CD209: variants seen among roughly 807,000 people sequenced by gnomAD.
The protein encoded by CD209 is CD209 antigen.
Under a neutral mutation model 44.7 loss-of-function variants are expected in CD209, and 31 were observed. The ratio of observed to expected loss-of-function variants is 0.69; its 90% confidence interval spans 0.52 to 0.94. The LOEUF (loss-of-function observed/expected upper bound fraction) is 0.94. Among genes scored for constraint, CD209 ranks in the 40% least tolerant of loss-of-function variants. The pLI, the probability that CD209 is intolerant of heterozygous loss-of-function variation, is 0.00. For synonymous variants in CD209, 173 were observed against 181.3 expected (o/e 0.95, Z 0.37); for missense variants, 407 against 452.4 (o/e 0.90, Z 0.91).
At chr19:7,744,009 T>C (rs2033711028) in intron 6 of CD209, 98 bp downstream of exon 6, 8 of 992,566 alleles carry the variant, frequency 8.1e-6, no homozygotes, top group Non-Finnish European at 1.3e-5. Context: ...TTCTTGGGTC[T>C]AGGGTGTCAG....
chr19:7,741,659 C>T lies in CD209; in HGVS notation c.*1380G>A. 1.1e-6 allele frequency: 1 copy of T among 869,704 alleles called. No homozygotes were observed. The allele number at this position is 869,704 out of a possible 1,614,324, so 53.9% of individuals were successfully genotyped here. On this transcript the variant is annotated 3_prime_UTR_variant, in exon 7 of 7. Coordinates refer to ENST00000315599, the MANE Select transcript of CD209 (RefSeq NM_021155.4). Reference sequence around the variant, plus strand: ...AACGGACGATGGTATGTACGCAGGACGACAGCTTCAGTGTGAATTCTGCCC... The same window carrying T: ...AACGGACGATGGTATGTACGCAGGATGACAGCTTCAGTGTGAATTCTGCCC...
At position 7,742,848 on chromosome 19, in the gene CD209, C is replaced by G; in HGVS notation, c.*191G>C. On this transcript the variant is annotated 3_prime_UTR_variant, in exon 7 of 7. Coordinates refer to ENST00000315599, the MANE Select transcript of CD209 (RefSeq NM_021155.4). ...CCCAAAGGCATCCCACACCAGCTCA[C>G]TCATAAAGCTCCAAGGATGGGCCAG... 1 of 604,126 alleles carries G rather than the reference C, an allele frequency of 1.7e-6. No individual in the cohort carries two copies. Among genetic ancestry groups the G allele is most frequent in the Non-Finnish European group, 2.9e-6 (1 of 340,472 alleles). 37.4% of individuals were successfully genotyped at this position (604,126 alleles called of 1,614,324 possible).
chr19:7,742,734 C>A lies in CD209; in HGVS notation c.*305G>T. 1 of 429,046 alleles carries A rather than the reference C, an allele frequency of 2.3e-6. No individual in the cohort carries two copies. 26.6% of individuals were successfully genotyped at this position (429,046 alleles called of 1,614,324 possible). ...TAGGTTTGCATGTATAAGATAACGC[C>A]CCAGGGGACATAGCAGCTACACATG... On this transcript the variant is annotated 3_prime_UTR_variant, in exon 7 of 7. Transcript: ENST00000315599.
In CD209 at chr19:7,742,037, G is replaced by A. The variant is rs564862388; in HGVS notation, c.*1002C>T. 8 of 293,322 alleles carry A rather than the reference G, an allele frequency of 2.7e-5. No individual in the cohort carries two copies. The highest frequency in any genetic ancestry group is 9.2e-4 in the Middle Eastern group (1 of 1,092). 18.2% of individuals were successfully genotyped at this position (293,322 alleles called of 1,614,324 possible). ...GGGCCGGTGCAGCCGCAGTGAGAACGGCCGGAGCCGTCACAGCCGGAGCCA... is the reference window on the plus strand; with the variant it reads ...GGGCCGGTGCAGCCGCAGTGAGAACAGCCGGAGCCGTCACAGCCGGAGCCA... On this transcript the variant is annotated 3_prime_UTR_variant, in exon 7 of 7. Coordinates refer to ENST00000315599, the MANE Select transcript of CD209 (RefSeq NM_021155.4).
chr19:7,742,840 C>G lies in CD209; in HGVS notation c.*199G>C, dbSNP rs189037227. On this transcript the variant is annotated 3_prime_UTR_variant, in exon 7 of 7. Transcript: ENST00000315599. ...AGTCCACCCCCAAAGGCATCCCACA[C>G]CAGCTCACTCATAAAGCTCCAAGGA... The G allele has an allele frequency of 2.2e-5, 13 of 599,794 alleles. No individual in the cohort carries two copies. In the Admixed American group the frequency reaches 3.8e-4, roughly 18 times the overall value. The allele number at this position is 599,794 out of a possible 1,614,324, so 37.2% of individuals were successfully genotyped here.
Position 7,742,006 on chromosome 19 carries a change from C to T in CD209, c.*1033G>A. Reference sequence around the variant, plus strand: ...CTAGCAGAGGAAGAAATAGTGACCGCAGCGGGGGCCGGTGCAGCCGCAGTG... The same window carrying T: ...CTAGCAGAGGAAGAAATAGTGACCGTAGCGGGGGCCGGTGCAGCCGCAGTG... On this transcript the variant is annotated 3_prime_UTR_variant, in exon 7 of 7. Coordinates refer to ENST00000315599, the MANE Select transcript of CD209 (RefSeq NM_021155.4). 1 of 324,800 alleles carries T rather than the reference C, an allele frequency of 3.1e-6. No individual in the cohort carries two copies. Among genetic ancestry groups the T allele is most frequent in the Non-Finnish European group, 6.3e-6 (1 of 159,004 alleles). 20.1% of individuals were successfully genotyped at this position (324,800 alleles called of 1,614,324 possible). A position where few individuals can be genotyped will look rare whatever the true frequency, so the allele number is the denominator to read the frequency against.
In CD209 at chr19:7,742,831, C is replaced by A; in HGVS notation, c.*208G>T. 1.7e-6 allele frequency: 1 copy of A among 593,858 alleles called. No individual in the cohort carries two copies. The allele number at this position is 593,858 out of a possible 1,614,324, so 36.8% of individuals were successfully genotyped here. ...TGGAACACAAGTCCACCCCCAAAGG[C>A]ATCCCACACCAGCTCACTCATAAAG... On this transcript the variant is annotated 3_prime_UTR_variant, in exon 7 of 7. Coordinates refer to ENST00000315599, the MANE Select transcript of CD209 (RefSeq NM_021155.4).
chr19:7,747,201 C>T (rs2033868111), intron 2 of CD209, 105 bp downstream of exon 2: 2 of 1,189,262 alleles, frequency 1.7e-6, no homozygotes, highest in African/African-American at 1.5e-5. Flanking sequence ...CCCCTAGCCC[C>T]ACATCCCCAG....
Position 7,745,782 on chromosome 19 carries a change from C to T in CD209, c.484G>A (p.Glu162Lys), listed in dbSNP as rs765091163. 3.7e-6 allele frequency: 6 copies of T among 1,607,386 alleles called. No homozygotes were observed. In the South Asian group the frequency reaches 6.6e-5, roughly 18 times the overall value. ...WLKAAVGELP[E>K]KSKMQEIYQE... Reference sequence around the variant, plus strand: ...TAGATCTCCTGCATCTTAGATTTCTCTGGAAGCTCACCCACTGCAGCCTTC... The same window carrying T: ...TAGATCTCCTGCATCTTAGATTTCTTTGGAAGCTCACCCACTGCAGCCTTC... Residue 162 changes from glutamate to lysine, a missense_variant, in exon 4 of 7, where the codon GAG (glutamate) becomes AAG (lysine). Transcript: ENST00000315599.
rs11465401 is a variant in CD209 at position 7,742,229 on chromosome 19, G to A, written c.*810C>T. ...CAGCAATTTTGGGAGGCCGAGGCGG[G>A]CAGATCATCTGAGGTCGGGAGTTCA... On this transcript the variant is annotated 3_prime_UTR_variant, in exon 7 of 7. Transcript: ENST00000315599. 18,649 of 156,026 alleles carry A rather than the reference G, an allele frequency of 0.12. 1,278 individuals carry two copies. Among genetic ancestry groups the A allele is most frequent in the African/African-American group, 0.18 (7,574 of 41,482 alleles). 9.7% of individuals were successfully genotyped at this position (156,026 alleles called of 1,614,324 possible).
At chr19:7,744,380 T>A (rs1231266410) in intron 5 of CD209, among the ~76,000 whole-genome samples, 161 bp from the exon 6 acceptor site, 1 of 152,170 alleles carries the variant, frequency 6.6e-6, no homozygotes, top group Non-Finnish European at 1.5e-5. Context: ...CACATGTGTA[T>A]CCCACGGCAC....
At chr19:7,747,209 C>CA (rs1568515876) in intron 2 of CD209, 97 bp downstream of exon 2, 1 of 1,289,114 alleles carries the variant, frequency 7.8e-7, no homozygotes, top group Non-Finnish European at 1.1e-6. Flanking sequence ...CCCACATCCC[C>CA]AGGACCCAAG....
In CD209 at chr19:7,744,187, G is replaced by C. The variant is rs777450783; in HGVS notation, c.933C>G (p.Asn311Lys). The C allele has an allele frequency of 1.9e-6, 3 of 1,614,010 alleles. No individual in the cohort carries two copies. Among genetic ancestry groups the C allele is most frequent in the Non-Finnish European group, 2.5e-6 (3 of 1,179,976 alleles). Reference sequence around the variant, plus strand: ...CTGAAAGTCCCATCCAGGTGAAGCGGTTACTTCTGGAAGACTGCAGCTGTA... The same window carrying C: ...CTGAAAGTCCCATCCAGGTGAAGCGCTTACTTCTGGAAGACTGCAGCTGTA... ...NFLQLQSSRS[N>K]RFTWMGLSDL... is the part of the protein sequence containing the mutation. Residue 311 changes from asparagine (N) to lysine (K), a missense_variant, in exon 6 of 7, where the codon AAC becomes AAG. This residue lies in a region of CD209 where 200 missense variants were observed against 202.2 expected (regional missense o/e 0.99). Transcript: ENST00000315599.
intron 6 of CD209, 79 bp from the exon 7 acceptor site, chr19:7,743,319 G>A: frequency 8.1e-7 from 1 of 1,235,982 alleles, no homozygotes; most frequent in African/African-American, 1.5e-5. Context: ...TCATCTTGAT[G>A]CCTTAACATC....
chr19:7,743,277 G>T (rs11465391), intron 6 of CD209, 37 bp from the exon 7 acceptor site: 4 of 1,558,298 alleles, frequency 2.6e-6, no homozygotes, highest in Non-Finnish European at 3.5e-6. Context: ...CTCTGTCCCC[G>T]CCAGCTACAT....
In CD209 at chr19:7,743,251, C is replaced by T. The variant is rs773003473; in HGVS notation, c.1014-11G>A. 1 of 1,611,944 alleles carries T rather than the reference C, an allele frequency of 6.2e-7. No homozygotes were observed. Among genetic ancestry groups the T allele is most frequent in the African/African-American group, 1.3e-5 (1 of 74,986 alleles). ...CAATACTGCTTGAAGCTGCAAAGCC[C>T]ATGCGGAATGTGAGCCTCTGTCCCC... is the stretch of plus-strand genomic sequence containing the variant. On this transcript the variant is annotated splice_polypyrimidine_tract_variant and intron_variant, in intron 6 of 6. Transcript: ENST00000315599.
At chr19:7,744,813 T>C in intron 5 of CD209, 128 bp downstream of exon 5, 1 of 1,316,668 alleles carries the variant, frequency 7.6e-7, no homozygotes, top group Non-Finnish European at 1.0e-6. Context: ...CCCTCATTCA[T>C]ATCCTTCTCC....
chr19:7,741,655 A>G lies in CD209; in HGVS notation c.*1384T>C. The G allele has an allele frequency of 2.3e-6, 2 of 878,832 alleles. No individual in the cohort carries two copies. Among genetic ancestry groups the G allele is most frequent in the Admixed American group, 1.8e-5 (1 of 54,912 alleles). The allele number at this position is 878,832 out of a possible 1,614,324, so 54.4% of individuals were successfully genotyped here. On this transcript the variant is annotated 3_prime_UTR_variant, in exon 7 of 7. Transcript: ENST00000315599. ...GTTTAACGGACGATGGTATGTACGC[A>G]GGACGACAGCTTCAGTGTGAATTCT...
Position 7,747,310 on chromosome 19 carries a change from T to G in CD209, c.102A>C (p.Leu34Phe). 1 of 1,614,248 alleles carries G rather than the reference T, an allele frequency of 6.2e-7. No homozygotes were observed. The highest frequency in any genetic ancestry group is 8.5e-7 in the Non-Finnish European group (1 of 1,180,044). Residue 34 changes from leucine (L) to phenylalanine (F), a missense_variant, in exon 2 of 7, where the codon TTA becomes TTC. Physicochemically the swap from Leu to Phe is conservative, Grantham distance 22 (BLOSUM62 0). Transcript: ENST00000315599. Reference protein sequence around the residue: ...GFRQTRGYKSLAGCLGHGPLV... With the variant: ...GFRQTRGYKSFAGCLGHGPLV... ...AAACTGCTAAGTCCTCTCTACCTGCTAAGCTCTTGTATCCTCGAGTCTGTC... is the reference window on the plus strand; with the variant it reads ...AAACTGCTAAGTCCTCTCTACCTGCGAAGCTCTTGTATCCTCGAGTCTGTC...
Sources: allele counts gnomAD v4.1 joint callset (sites outside exome capture counted in the v4.1 genomes callset), GRCh38; gene constraint gnomAD v4.1.1; regional missense constraint gnomAD v4.1.1; transcripts MANE v1.5; gene names NCBI Gene and HGNC (gene_info 2026-07-23, HGNC 2026-07-21).